PDE4D: variants seen among roughly 807,000 people sequenced by gnomAD.
PDE4D encodes 3',5'-cyclic-AMP phosphodiesterase 4D.
PDE4D carries 24 observed loss-of-function variants against 87.4 expected under a neutral mutation model. The ratio of observed to expected loss-of-function variants is 0.27; its 90% CI spans 0.20 to 0.39. The LOEUF (loss-of-function observed/expected upper bound fraction) is 0.39. Ranked by LOEUF, PDE4D falls within the 10% of genes least tolerant of loss-of-function variation. The pLI is 1.00. For synonymous variants in PDE4D, 384 were observed against 383.2 expected (o/e 1.00, Z -0.02); for missense variants, 714 against 1,041.0 (o/e 0.69, Z 4.32).
chr5:60,365,238 TGAG>T (rs1018781866), intron 1 of PDE4D, among the ~76,000 whole-genome samples: 2 of 152,168 alleles, frequency 1.3e-5, no homozygotes, highest in African/African-American at 4.8e-5. Context: ...TGCAACAACA[TGAG>T]GAGAAGTCTT....
intron 1 of PDE4D, among the ~76,000 whole-genome samples, chr5:59,639,956 A>G (rs1218892609): frequency 6.6e-6 from 1 of 150,380 alleles, no homozygotes; most frequent in East Asian, 1.9e-4. Context: ...TTTTAACATT[A>G]ATGCCCCAAC....
intron 1 of PDE4D, among the ~76,000 whole-genome samples, chr5:59,837,929 T>C (rs1455290468): frequency 6.6e-6 from 1 of 152,122 alleles, no homozygotes. Context: ...GGTTCTACTT[T>C]CAAGGATTTC....
At chr5:59,150,434 A>G (rs1245027799) in intron 5 of PDE4D, among the ~76,000 whole-genome samples, 1 of 152,160 alleles carries the variant, frequency 6.6e-6, no homozygotes, top group African/African-American at 2.4e-5. Flanking sequence ...TGTTTCCTTC[A>G]TATAAAATGC....
intron 2 of PDE4D, among the ~76,000 whole-genome samples, chr5:60,095,671 A>G (rs1476233974): frequency 1.3e-5 from 2 of 152,112 alleles, no homozygotes; most frequent in Non-Finnish European, 2.9e-5. Flanking sequence ...TTGTCTATCT[A>G]CAAGTTCAAT....
intron 2 of PDE4D, chr5:59,988,843 G>T: frequency 1.9e-6 from 1 of 515,318 alleles, no homozygotes; most frequent in Non-Finnish European, 3.4e-6. Flanking sequence ...ATGCTATCTA[G>T]AAAACAGTGA....
chr5:60,453,655 C>T (rs535976917), intron 1 of PDE4D, among the ~76,000 whole-genome samples: 5 of 152,032 alleles, frequency 3.3e-5, no homozygotes, highest in South Asian at 4.2e-4. Flanking sequence ...GGATCAGCTT[C>T]GTTATTTTTT....
At position 59,872,298 on chromosome 5, in the gene PDE4D, CACAA is replaced by C. The variant is rs754592830; in HGVS notation, c.455+20866_455+20869del. ...ACACACACACACACACACACACACACACAAGAGCACACAGGCACACACACAGCAT... is the reference window on the plus strand; with the variant it reads ...ACACACACACACACACACACACACACGAGCACACAGGCACACACACAGCAT... On this transcript the variant is annotated intron_variant, in intron 1 of 14. Transcript: ENST00000340635. Among the ~76,000 whole-genome samples, 236 of 138,512 alleles carry C rather than the reference CACAA, an allele frequency of 1.7e-3. 1 individual carries two copies. Among genetic ancestry groups the C allele is most frequent in the Non-Finnish European group, 2.5e-3 (169 of 67,284 alleles). 90.9% of individuals were successfully genotyped at this position (138,512 alleles called of 152,430 possible).
chr5:59,617,343 T>G (rs1217722672), intron 1 of PDE4D, among the ~76,000 whole-genome samples: 1 of 152,054 alleles, frequency 6.6e-6, no homozygotes, highest in African/African-American at 2.4e-5. Flanking sequence ...GACTCTAAAA[T>G]AAGAGATTAA....
chr5:59,400,064 A>G (rs1790291488), intron 1 of PDE4D, among the ~76,000 whole-genome samples: 1 of 115,424 alleles, frequency 8.7e-6, no homozygotes. Context: ...AATGGCAATC[A>G]TTCAAAAGTC....
intron 1 of PDE4D, among the ~76,000 whole-genome samples, chr5:60,479,147 G>C (rs767185015): frequency 6.6e-6 from 1 of 152,104 alleles, no homozygotes; most frequent in Non-Finnish European, 1.5e-5. Context: ...ATCTTACAGC[G>C]TTGGGGAGGG....
chr5:60,127,488 C>T, intron 2 of PDE4D: 1 of 420,016 alleles, frequency 2.4e-6, no homozygotes, highest in Non-Finnish European at 4.2e-6. Flanking sequence ...AATGCCAGCA[C>T]AGACAGGCCG....
At chr5:60,432,111 G>GGGAGAA (rs1744386032) in intron 1 of PDE4D, among the ~76,000 whole-genome samples, 1 of 152,014 alleles carries the variant, frequency 6.6e-6, no homozygotes, top group Non-Finnish European at 1.5e-5. Flanking sequence ...GAGAGGGAGA[G>GGGAGAA]GGAGAGGGGA....
chr5:59,662,491 G>A (rs7723356), intron 1 of PDE4D, among the ~76,000 whole-genome samples: 10,885 of 152,010 alleles, frequency 0.072, 1,185 homozygotes, highest in African/African-American at 0.24. Context: ...TTTCCCACAC[G>A]TATAATCTTA....
intron 1 of PDE4D, among the ~76,000 whole-genome samples, chr5:59,462,762 C>T (rs1800966262): frequency 6.6e-6 from 1 of 152,108 alleles, no homozygotes; most frequent in South Asian, 2.1e-4. Flanking sequence ...TAATATTTAA[C>T]AGTAGAATGA....
intron 1 of PDE4D, among the ~76,000 whole-genome samples, chr5:60,326,619 C>T (rs891319615): frequency 6.6e-6 from 1 of 151,806 alleles, no homozygotes; most frequent in African/African-American, 2.4e-5. Flanking sequence ...TTTCTTATGA[C>T]TTTTTATCTC....
At chr5:59,699,679 G>C (rs990324138) in intron 1 of PDE4D, among the ~76,000 whole-genome samples, 18 of 152,204 alleles carry the variant, frequency 1.2e-4, no homozygotes, top group African/African-American at 4.3e-4. Flanking sequence ...GGTGATCAAA[G>C]ATCAATGGAA....
rs1033719373 is a variant in PDE4D at position 59,325,439 on chromosome 5, C to T, written c.456-109471G>A. On this transcript the variant is annotated intron_variant, in intron 1 of 14. Transcript: ENST00000340635. ...AATCTTCTTGCTACCTACGTTTTTA[C>T]GCTTTAAATAGTAAATGCATAGCAA... 2.6e-5 allele frequency among the ~76,000 whole-genome samples: 4 copies of T among 152,244 alleles called. No homozygotes were observed. In the South Asian group the frequency reaches 6.2e-4, roughly 24 times the overall value.
intron 1 of PDE4D, among the ~76,000 whole-genome samples, chr5:59,247,666 T>C (rs902209042): frequency 6.6e-6 from 1 of 152,128 alleles, no homozygotes; most frequent in Non-Finnish European, 1.5e-5. Flanking sequence ...ATAGGTAGCC[T>C]GAGCCATAGT....
chr5:59,662,084 C>T (rs1035811123), intron 1 of PDE4D, among the ~76,000 whole-genome samples: 5 of 152,130 alleles, frequency 3.3e-5, no homozygotes, highest in South Asian at 2.1e-4. Flanking sequence ...AGAAGCATTA[C>T]GTGCTTCCCC....
Sources: gnomAD v4.1 joint callset for allele counts (sites outside exome capture counted in the v4.1 genomes callset) on GRCh38, gnomAD v4.1.1 for gene constraint, MANE v1.5 for transcripts, NCBI Gene and HGNC (gene_info 2026-07-23, HGNC 2026-07-21) for gene names.